Variants in MSANTD4 observed in about 807,000 individuals in gnomAD.
MSANTD4 encodes the protein myb/SANT-like DNA-binding domain-containing protein 4.
Under a neutral mutation model 34.3 loss-of-function variants are expected in MSANTD4, and 13 were observed. That is an observed-to-expected ratio of 0.38 (90% CI 0.25 to 0.60). The LOEUF is 0.60. Among genes scored for constraint, MSANTD4 ranks in the 20% least tolerant of loss-of-function variants. The pLI, the probability that MSANTD4 is intolerant of heterozygous loss-of-function variation, is 0.63. For synonymous variants in MSANTD4, 137 were observed against 145.2 expected (o/e 0.94, Z 0.41); for missense variants, 358 against 401.8 (o/e 0.89, Z 0.93).
At chr11:106,014,971 T>C (rs1445986701) in intron 1 of MSANTD4, among the ~76,000 whole-genome samples, 1 of 152,190 alleles carries the variant, frequency 6.6e-6, no homozygotes, top group Non-Finnish European at 1.5e-5. Context: ...GCAAGCCAAC[T>C]ATTTCTAAAG....
chr11:106,010,068 G>T lies in MSANTD4; in HGVS notation c.505C>A (p.Pro169Thr). The change falls in exon 3 of 3, where the codon CCA (proline) becomes ACA (threonine). Residue 169 changes from proline to threonine, a missense_variant. Coordinates refer to ENST00000301919, the MANE Select transcript of MSANTD4 (RefSeq NM_032424.3). The part of the protein sequence containing the change: ...EEEEMLSSVI[P>T]DSRRENELPD... Reference sequence around the variant, plus strand: ...AGTTCATTTTCTCTCCTGGAATCTGGTATGACGGATGACAACATTTCTTCC... The same window carrying T: ...AGTTCATTTTCTCTCCTGGAATCTGTTATGACGGATGACAACATTTCTTCC... 1 of 1,588,718 alleles carries T rather than the reference G, an allele frequency of 6.3e-7. No individual in the cohort carries two copies. The highest frequency in any genetic ancestry group is 1.1e-5 in the South Asian group (1 of 88,656).
Position 106,009,655 on chromosome 11 carries a change from T to C in MSANTD4, c.918A>G (p.Gln306=), listed in dbSNP as rs17104910. Residue 306 remains glutamine, a synonymous_variant, in exon 3 of 3, where the codon CAA becomes CAG. Coordinates refer to ENST00000301919, the MANE Select transcript of MSANTD4 (RefSeq NM_032424.3). ...AAAACTGCAGCCTATCCTTTTCCAG[T>C]TGCAAGCGTTCTCGCTCAAGTTTTA... The part of the protein sequence containing the change: ...EKLKLERERL[Q]LEKDRLQFLK... 2,766 of 1,614,196 alleles carry C rather than the reference T, an allele frequency of 1.7e-3. 36 individuals are homozygous for C. In the African/African-American group the frequency reaches 0.032, roughly 19 times the overall value.
intron 1 of MSANTD4, among the ~76,000 whole-genome samples, chr11:106,019,143 G>A (rs1226955184): frequency 6.6e-6 from 1 of 151,930 alleles, no homozygotes; most frequent in African/African-American, 2.4e-5. Flanking sequence ...ATCACCTCCA[G>A]TACCAACTCC....
rs904350608 is a variant in MSANTD4, at chr11:106,010,566, G to A, written c.352C>T (p.Arg118Ter). The A allele has an allele frequency of 2.5e-6, 4 of 1,613,998 alleles. No individual in the cohort carries two copies. Among genetic ancestry groups the A allele is most frequent in the South Asian group, 1.1e-5 (1 of 91,072 alleles). Residue 118 changes from arginine to a stop codon, truncating the protein, a stop_gained, in exon 2 of 3, where the codon CGA becomes TGA. Transcript: ENST00000301919. LOFTEE classifies it high-confidence loss of function. ...TGCCAGTCAAAATTTGCATCATTTC[G>A]GAATCCAATCTTTTCATCTATCTCT... is the stretch of plus-strand genomic sequence containing the variant. ...TEEIDEKIGF[R>*]NDANFDWQNV...
rs1280518509 is a variant in MSANTD4, at chr11:106,010,444, G to A, written c.462+12C>T. ...GAAAAGATTAAAAGAGGGTACAGAG[G>A]CTAATACTTACTTCAGGACTCTGCG... On this transcript the variant is annotated intron_variant, in intron 2 of 2. Coordinates refer to ENST00000301919, the MANE Select transcript of MSANTD4 (RefSeq NM_032424.3). The A allele has an allele frequency of 6.2e-7, 1 of 1,602,106 alleles. No individual in the cohort carries two copies. The highest frequency in any genetic ancestry group is 1.1e-5 in the South Asian group (1 of 88,986).
intron 1 of MSANTD4, among the ~76,000 whole-genome samples, chr11:106,018,879 G>A (rs1352144111): frequency 6.6e-6 from 1 of 152,148 alleles, no homozygotes; most frequent in Non-Finnish European, 1.5e-5. Context: ...AATGTCTTTA[G>A]ACCCCTATCC....
intron 1 of MSANTD4, among the ~76,000 whole-genome samples, chr11:106,017,719 T>C (rs962008554): frequency 2.0e-5 from 3 of 152,140 alleles, no homozygotes; most frequent in Admixed American, 6.5e-5. Flanking sequence ...GCTATGTCTG[T>C]TGAAAATGTT....
intron 1 of MSANTD4, among the ~76,000 whole-genome samples, chr11:106,012,466 C>T (rs2564912): frequency 0.59 from 90,043 of 152,002 alleles, 26,796 homozygotes; most frequent in Non-Finnish European, 0.62. Context: ...TAGGAAAGTA[C>T]GTATACTTGG....
chr11:106,010,483 C>T lies in MSANTD4; in HGVS notation c.435G>A (p.Glu145=). ...GGSLTEVKVE[E]EERDPQSPEF... is the part of the protein sequence containing the mutation. ...CAGGACTCTGCGGATCCCTTTCTTCCTCTTCCACCTTGACCTCAGTTAAGG... is the reference window on the plus strand; with the variant it reads ...CAGGACTCTGCGGATCCCTTTCTTCTTCTTCCACCTTGACCTCAGTTAAGG... The change falls in exon 2 of 3, where the codon GAG becomes GAA. Residue 145 remains glutamate (E), a synonymous_variant. Coordinates refer to ENST00000301919, the MANE Select transcript of MSANTD4 (RefSeq NM_032424.3). The T allele has an allele frequency of 6.2e-7, 1 of 1,613,800 alleles. No individual in the cohort carries two copies.
chr11:106,012,465 A>T (rs1366562586), intron 1 of MSANTD4, among the ~76,000 whole-genome samples: 1 of 152,248 alleles, frequency 6.6e-6, no homozygotes, highest in Non-Finnish European at 1.5e-5. Flanking sequence ...ATAGGAAAGT[A>T]CGTATACTTG....
chr11:106,017,028 T>A (rs1234123018), intron 1 of MSANTD4, among the ~76,000 whole-genome samples: 1 of 152,200 alleles, frequency 6.6e-6, no homozygotes, highest in South Asian at 2.1e-4. Flanking sequence ...TTTTGAGCCA[T>A]TTAAAAATCA....
Position 106,015,604 on chromosome 11 carries a change from T to C in MSANTD4, c.-150-4537A>G, listed in dbSNP as rs552450599. ...GCCCATGAGAGCTCTCAAGAATCAA[T>C]TGCGGACATCTCTTTGCAACTCCAC... On this transcript the variant is annotated intron_variant, in intron 1 of 2. Coordinates refer to ENST00000301919, the MANE Select transcript of MSANTD4 (RefSeq NM_032424.3). 8.5e-5 allele frequency among the ~76,000 whole-genome samples: 13 copies of C among 152,276 alleles called. No individual in the cohort carries two copies. The East Asian group carries it at 1.9e-3, about 23-fold the overall frequency.
At position 106,008,334 on chromosome 11, in the gene MSANTD4, C is replaced by T. The variant is rs1294091829; in HGVS notation, c.*1201G>A. ...GAAGAGGGAAGGACAAAATATACTA[C>T]AATATAGAAGATCAGCCATTTACTC... On this transcript the variant is annotated 3_prime_UTR_variant, in exon 3 of 3. Coordinates refer to ENST00000301919, the MANE Select transcript of MSANTD4 (RefSeq NM_032424.3). 3 of 152,276 alleles carry T rather than the reference C, an allele frequency of 2.0e-5. No individual in the cohort carries two copies. Among genetic ancestry groups the T allele is most frequent in the African/African-American group, 7.2e-5 (3 of 41,444 alleles). The allele number at this position is 152,276 out of a possible 1,614,324, so 9.4% of individuals were successfully genotyped here. A position where few individuals can be genotyped will look rare whatever the true frequency, so the allele number is the denominator to read the frequency against.
chr11:106,015,299 G>A (rs1010954419), intron 1 of MSANTD4, among the ~76,000 whole-genome samples: 3 of 152,090 alleles, frequency 2.0e-5, no homozygotes, highest in East Asian at 1.9e-4. Flanking sequence ...TTCCCTATGC[G>A]TAATTTTATT....
Position 106,021,200 on chromosome 11 carries a change from C to A in MSANTD4, c.-389G>T, listed in dbSNP as rs1860022400. 6.6e-6 allele frequency: 1 copy of A among 152,184 alleles called. No individual in the cohort carries two copies. Among genetic ancestry groups the A allele is most frequent in the African/African-American group, 2.4e-5 (1 of 41,434 alleles). The allele number at this position is 152,184 out of a possible 1,614,324, so 9.4% of individuals were successfully genotyped here. On this transcript the variant is annotated 5_prime_UTR_variant, in exon 1 of 3. Coordinates refer to ENST00000301919, the MANE Select transcript of MSANTD4 (RefSeq NM_032424.3). The stretch of plus-strand genomic sequence containing the variant: ...GTCAAACACTATCCCTTTTCTATTG[C>A]CTGTCATCGCTCTCTTAGCAGAAAG...
intron 1 of MSANTD4, among the ~76,000 whole-genome samples, chr11:106,015,865 A>G (rs1859829653): frequency 6.6e-6 from 1 of 152,048 alleles, no homozygotes; most frequent in Admixed American, 6.5e-5. Context: ...AATGCTTATA[A>G]TTTTATTTTA....
rs947357457 is a variant in MSANTD4 at position 106,021,183 on chromosome 11, C to T, written c.-372G>A. On this transcript the variant is annotated 5_prime_UTR_variant, in exon 1 of 3. In the 5' UTR this introduces an upstream ATG that the reference lacks. Transcript: ENST00000301919. ...AATATGTCATTTTAGATGTCAAACA[C>T]TATCCCTTTTCTATTGCCTGTCATC... 5.9e-5 allele frequency: 9 copies of T among 152,216 alleles called. No individual in the cohort carries two copies. Among genetic ancestry groups the T allele is most frequent in the Non-Finnish European group, 8.8e-5 (6 of 68,042 alleles). 9.4% of individuals were successfully genotyped at this position (152,216 alleles called of 1,614,324 possible). A position where few individuals can be genotyped will look rare whatever the true frequency, so the allele number is the denominator to read the frequency against.
chr11:106,017,612 C>A (rs1212901410), intron 1 of MSANTD4, among the ~76,000 whole-genome samples: 2 of 152,064 alleles, frequency 1.3e-5, no homozygotes, highest in Non-Finnish European at 2.9e-5. Flanking sequence ...TCTTGAAATT[C>A]TTTCCAGAAA....
At chr11:106,019,765 T>C (rs1859973736) in intron 1 of MSANTD4, among the ~76,000 whole-genome samples, 1 of 152,210 alleles carries the variant, frequency 6.6e-6, no homozygotes, top group Admixed American at 6.5e-5. Context: ...TGCAACTTAG[T>C]AAAACACAGA....
Sources: gnomAD v4.1 joint callset for allele counts (sites outside exome capture counted in the v4.1 genomes callset) on GRCh38, gnomAD v4.1.1 for gene constraint, MANE v1.5 for transcripts, NCBI Gene and HGNC (gene_info 2026-07-23, HGNC 2026-07-21) for gene names.